POLE: variants seen among roughly 807,000 people sequenced by gnomAD.
POLE encodes DNA polymerase epsilon catalytic subunit A.
In POLE, 188 loss-of-function variants were observed where a neutral mutation model predicts 279.2. The ratio of observed to expected loss-of-function variants is 0.67; its 90% CI spans 0.60 to 0.76. The LOEUF (loss-of-function observed/expected upper bound fraction) is 0.76. POLE is among the 30% of genes least tolerant of loss of function. POLE has a pLI of 0.00. For synonymous variants in POLE, 1,214 were observed against 1,172.5 expected (o/e 1.04, Z -0.72); for missense variants, 2,703 against 3,016.7 (o/e 0.90, Z 2.44).
Position 132,677,386 on chromosome 12 carries a change from G to A in POLE, c.778C>T (p.Arg260Ter), listed in dbSNP as rs747946229. 2.5e-6 allele frequency: 4 copies of A among 1,613,982 alleles called. No homozygotes were observed. The highest frequency in any genetic ancestry group is 3.4e-6 in the Non-Finnish European group (4 of 1,179,890). The change falls in exon 8 of 49, where the codon CGA becomes TGA. Residue 260 changes from arginine to a stop codon, truncating the protein, a stop_gained. Transcript: ENST00000320574. LOFTEE classifies it high-confidence loss of function. Reference sequence around the variant, plus strand: ...ACAGGTCGTTCAACAAGGTCATCTCGGCGGGTGATTTCTACCGGAAAAGCA... The same window carrying A: ...ACAGGTCGTTCAACAAGGTCATCTCAGCGGGTGATTTCTACCGGAAAAGCA... Reference protein sequence around the residue: ...GNAFPVEITRRDDLVERPDPV... With the variant: ...GNAFPVEITR
chr12:132,665,304 C>A lies in POLE; in HGVS notation c.2466G>T (p.Lys822Asn), dbSNP rs2135961238. ...LNSFYGYVMR[K>N]GARWYSMEMA... is the part of the protein sequence containing the mutation. ...CTCCCGGGCCCGGGCCCACCTACCC[C>A]TTGCGCATGACATAGCCATAGAAGG... The change falls in exon 21 of 49, where the codon AAG (lysine) becomes AAT (asparagine). Residue 822 changes from lysine (K) to asparagine (N), a missense_variant and splice_region_variant. Lys to Asn is a moderately conservative substitution (Grantham distance 94). Coordinates refer to ENST00000320574, the MANE Select transcript of POLE (RefSeq NM_006231.4). 6.2e-7 allele frequency: 1 copy of A among 1,613,486 alleles called. No homozygotes were observed. Among genetic ancestry groups the A allele is most frequent in the Non-Finnish European group, 8.5e-7 (1 of 1,179,590 alleles).
In POLE at chr12:132,663,999, C is replaced by T. The variant is rs375931088; in HGVS notation, c.2706+5G>A. The T allele has an allele frequency of 1.7e-5, 28 of 1,613,748 alleles. No individual in the cohort carries two copies. Among genetic ancestry groups the T allele is most frequent in the Admixed American group, 3.3e-5 (2 of 60,012 alleles). ...GAGCTTCAGGACCAGAGGCCCCAGA[C>T]TCACCTTGACCATGATGTTCAACAT... On this transcript the variant is annotated splice_donor_5th_base_variant and intron_variant, in intron 23 of 48. Coordinates refer to ENST00000320574, the MANE Select transcript of POLE (RefSeq NM_006231.4).
chr12:132,674,148 C>G (rs5744769), intron 12 of POLE, among the ~76,000 whole-genome samples: 14,810 of 151,738 alleles, frequency 0.098, 911 homozygotes, highest in South Asian at 0.16. Context: ...TGATCAGATG[C>G]CAAGAAGAAT....
chr12:132,641,072 C>T (rs1436174960), intron 39 of POLE: 1 of 456,706 alleles, frequency 2.2e-6, no homozygotes, highest in Non-Finnish European at 4.4e-6. Flanking sequence ...CCTCAGTTTC[C>T]TTATCTGAAA....
chr12:132,661,421 C>T lies in POLE; in HGVS notation c.2864+106G>A. ...CGGAATCAGTAAGATCACAAGAACCCAGGTCTGTTTCTATCCTGGCTCCTG... is the reference window on the plus strand; with the variant it reads ...CGGAATCAGTAAGATCACAAGAACCTAGGTCTGTTTCTATCCTGGCTCCTG... On this transcript the variant is annotated intron_variant, in intron 24 of 48. Transcript: ENST00000320574. This position sits in a 1 kb window ranked among gnomAD's most constrained non-coding sequence, Gnocchi z 4.1. 1 of 1,250,902 alleles carries T rather than the reference C, an allele frequency of 8.0e-7. No individual in the cohort carries two copies. The highest frequency in any genetic ancestry group is 1.1e-6 in the Non-Finnish European group (1 of 888,450). 77.5% of individuals were successfully genotyped at this position (1,250,902 alleles called of 1,614,324 possible).
rs779830137 is a variant in POLE, at chr12:132,663,998, ACTCAC to A, written c.2706+1_2706+5del. 1.2e-6 allele frequency: 2 copies of A among 1,613,612 alleles called. No homozygotes were observed. Among genetic ancestry groups the A allele is most frequent in the Non-Finnish European group, 1.7e-6 (2 of 1,179,990 alleles). On this transcript the variant is annotated splice_donor_variant and splice_donor_5th_base_variant and intron_variant, in intron 23 of 48. Transcript: ENST00000320574. LOFTEE classifies it high-confidence loss of function. ...AGAGCTTCAGGACCAGAGGCCCCAGACTCACCTTGACCATGATGTTCAACATGGCG... is the reference window on the plus strand; with the variant it reads ...AGAGCTTCAGGACCAGAGGCCCCAGACTTGACCATGATGTTCAACATGGCG...
In POLE at chr12:132,632,665, G is replaced by T. The variant is rs368662693; in HGVS notation, c.6135C>A (p.Pro2045=). The T allele has an allele frequency of 1.2e-6, 2 of 1,613,962 alleles. No individual in the cohort carries two copies. Among genetic ancestry groups the T allele is most frequent in the Non-Finnish European group, 1.7e-6 (2 of 1,179,968 alleles). Residue 2045 remains proline, a splice_region_variant and synonymous_variant, in exon 44 of 49, where the codon CCC becomes CCA. Coordinates refer to ENST00000320574, the MANE Select transcript of POLE (RefSeq NM_006231.4). ...QEAEGAVGAL[P]GMITFSQDYV... The stretch of plus-strand genomic sequence containing the variant: ...CTCAAAAGACAAAAGACTGCTCACC[G>T]GGAAGGGCTCCGACCGCCCCCTCGG...
chr12:132,625,727 G>A lies in POLE; in HGVS notation c.6575C>T (p.Ala2192Val), dbSNP rs756301031. ...CTCGATGGCAGAGGAGTCGTAGGGC[G>A]CCTGACAGTTGGAGCAGAGCCACTG... Reference protein sequence around the residue: ...LPQWLCSNCQAPYDSSAIEMT... With the variant: ...LPQWLCSNCQVPYDSSAIEMT... Residue 2192 changes from alanine (A) to valine (V), a missense_variant, in exon 47 of 49, where the codon GCG (alanine) becomes GTG (valine). Ala to Val is a moderately conservative substitution (Grantham distance 64). Transcript: ENST00000320574. 2.7e-5 allele frequency: 44 copies of A among 1,613,072 alleles called. No homozygotes were observed. Among genetic ancestry groups the A allele is most frequent in the East Asian group, 6.7e-5 (3 of 44,898 alleles).
In POLE at chr12:132,641,683, C is replaced by T. The variant is rs1593727430; in HGVS notation, c.5342G>A (p.Ser1781Asn). The T allele has an allele frequency of 1.2e-6, 2 of 1,614,020 alleles. No individual in the cohort carries two copies. The highest frequency in any genetic ancestry group is 2.2e-5 in the East Asian group (1 of 44,882). Residue 1781 changes from serine to asparagine, a missense_variant, in exon 39 of 49, where the codon AGC becomes AAC. Ser to Asn is a conservative substitution (Grantham distance 46). Around this residue, in one of 5 missense-constraint regions of POLE, gnomAD observed 1,551 missense variants for 1,686.1 expected, o/e 0.92. Coordinates refer to ENST00000320574, the MANE Select transcript of POLE (RefSeq NM_006231.4). ...TGGQAASAPA[S>N]YDETALCSNT... ...AGAGCACAGGGCTGTCTCATCGTAGCTGGCCGGGGCACTGGCAGCCTGACC... is the reference window on the plus strand; with the variant it reads ...AGAGCACAGGGCTGTCTCATCGTAGTTGGCCGGGGCACTGGCAGCCTGACC...
At position 132,661,841 on chromosome 12, in the gene POLE, T is replaced by C. The variant is rs1402023913; in HGVS notation, c.2707-157A>G. On this transcript the variant is annotated intron_variant, in intron 23 of 48. Coordinates refer to ENST00000320574, the MANE Select transcript of POLE (RefSeq NM_006231.4). The surrounding 1 kb of genome is among the most constrained non-coding windows in gnomAD (Gnocchi z 4.1). The stretch of plus-strand genomic sequence containing the variant: ...CAGGAAGGAAGGAAGTTCTGATGCA[T>C]GCAACCAAGTGGTGAAACTCAGGTG... Among the ~76,000 whole-genome samples, 2 of 152,210 alleles carry C rather than the reference T, an allele frequency of 1.3e-5. No homozygotes were observed. Among genetic ancestry groups the C allele is most frequent in the Non-Finnish European group, 1.5e-5 (1 of 68,030 alleles).
At chr12:132,674,677 C>T (rs753142268) in intron 12 of POLE, among the ~76,000 whole-genome samples, 19 of 152,208 alleles carry the variant, frequency 1.2e-4, no homozygotes, top group Non-Finnish European at 2.2e-4. Context: ...CACCGTCACA[C>T]GCTAAACCGG....
chr12:132,654,054 G>A (rs535898591), intron 29 of POLE, among the ~76,000 whole-genome samples: 81 of 152,200 alleles, frequency 5.3e-4, no homozygotes, highest in African/African-American at 1.9e-3. Context: ...TATTGTTCAT[G>A]TATGTTGATA....
rs778607648 is a variant in POLE, at chr12:132,677,677, G to C, written c.621C>G (p.Thr207=). ...CCAACTGGTCAGCTATCTTCTTAGA[G>C]GTTTCCTCTTCATCAGTAATGACAC... ...RGGVITDEEE[T]SKKIADQLDN... Residue 207 remains threonine (T), a synonymous_variant, in exon 7 of 49, where the codon ACC becomes ACG. Coordinates refer to ENST00000320574, the MANE Select transcript of POLE (RefSeq NM_006231.4). 6.2e-7 allele frequency: 1 copy of C among 1,614,134 alleles called. No homozygotes were observed. The highest frequency in any genetic ancestry group is 1.7e-5 in the Admixed American group (1 of 60,022).
At chr12:132,658,189 CAT>C (rs768422286) in intron 26 of POLE, 51 of 489,556 alleles carry the variant, frequency 1.0e-4, no homozygotes, top group Admixed American at 3.7e-4. Flanking sequence ...TGCACGTAAA[CAT>C]GTCTACATGT....
chr12:132,668,428 C>T lies in POLE; in HGVS notation c.2101G>A (p.Glu701Lys), dbSNP rs2042845113. The T allele has an allele frequency of 6.2e-7, 1 of 1,612,814 alleles. No homozygotes were observed. Among genetic ancestry groups the T allele is most frequent in the African/African-American group, 1.3e-5 (1 of 74,882 alleles). The change falls in exon 19 of 49, where the codon GAG (glutamate) becomes AAG (lysine). Residue 701 changes from glutamate (E) to lysine (K), a missense_variant. Physicochemically the swap from Glu to Lys is moderately conservative, Grantham distance 56. Coordinates refer to ENST00000320574, the MANE Select transcript of POLE (RefSeq NM_006231.4). The surrounding 1 kb of genome is among the most constrained non-coding windows in gnomAD (Gnocchi z 4.0). ...TCATGAAAGGCCCGAGCTGGCCCCT[C>T]TGGGAACAAGGGGGGGAACTTCTCT... ...ESEKFPPLFP[E>K]GPARAFHELS...
At chr12:132,686,420 CCTGT>C (rs1436625184) in intron 1 of POLE, among the ~76,000 whole-genome samples, 2 of 152,014 alleles carry the variant, frequency 1.3e-5, no homozygotes, top group Middle Eastern at 3.2e-3. Flanking sequence ...GCACCACCAG[CCTGT>C]CTAATTTTTC....
chr12:132,634,507 C>A lies in POLE; in HGVS notation c.5812-129G>T. 1.1e-6 allele frequency: 1 copy of A among 877,718 alleles called. No homozygotes were observed. Among genetic ancestry groups the A allele is most frequent in the South Asian group, 1.6e-5 (1 of 61,684 alleles). The allele number at this position is 877,718 out of a possible 1,614,324, so 54.4% of individuals were successfully genotyped here. ...TTTGACCAGAGGCCTTCCTCGCAGTCAAGGCATCCCCTGGAGCCTGCGTGA... is the reference window on the plus strand; with the variant it reads ...TTTGACCAGAGGCCTTCCTCGCAGTAAAGGCATCCCCTGGAGCCTGCGTGA... On this transcript the variant is annotated intron_variant, in intron 42 of 48. Coordinates refer to ENST00000320574, the MANE Select transcript of POLE (RefSeq NM_006231.4). This position sits in a 1 kb window ranked among gnomAD's most constrained non-coding sequence, Gnocchi z 4.0.
At chr12:132,673,842 C>T (rs2042985816) in intron 12 of POLE, 135 bp from the exon 13 acceptor site, 5 of 940,698 alleles carry the variant, frequency 5.3e-6, no homozygotes, top group Non-Finnish European at 8.3e-6. Flanking sequence ...ACACCAAGGC[C>T]CCACATGGTG....
intron 20 of POLE, among the ~76,000 whole-genome samples, chr12:132,667,178 G>C (rs2042815990): frequency 6.6e-6 from 1 of 152,176 alleles, no homozygotes; most frequent in Non-Finnish European, 1.5e-5. Context: ...CAGCGGGAAA[G>C]AGATAAACAA....
Sources: allele counts gnomAD v4.1 joint callset (sites outside exome capture counted in the v4.1 genomes callset), GRCh38; gene constraint gnomAD v4.1.1; regional missense constraint gnomAD v4.1.1; non-coding constraint Gnocchi (gnomAD v3.1); transcripts MANE v1.5; gene names NCBI Gene and HGNC (gene_info 2026-07-23, HGNC 2026-07-21).